Variants in HDAC8 observed in about 807,000 individuals in gnomAD.
The protein encoded by HDAC8 is histone deacetylase-like 1.
A neutral mutation model predicts 32.2 loss-of-function variants in HDAC8; 1 was observed. The observed-to-expected ratio is 0.03, with a 90% confidence interval of 0.01 to 0.15. The LOEUF is 0.15. HDAC8 is among the 10% of genes least tolerant of loss of function. The pLI is 1.00. For synonymous variants in HDAC8, 108 were observed against 113.9 expected, an observed-to-expected ratio of 0.95 and a Z score of 0.33; for missense variants, 117 against 300.0, an observed-to-expected ratio of 0.39 and a Z score of 4.51.
intron 9 of HDAC8, among the ~76,000 whole-genome samples, chrX:72,430,140 C>G (rs1414444597): frequency 8.9e-6 from 1 of 112,132 alleles, no homozygotes; most frequent in Non-Finnish European, 1.9e-5. Context: ...TACTTTTCTT[C>G]TTTTCTTTTT....
At chrX:72,546,146 GTTCTACA>G (rs782510118) in intron 4 of HDAC8, among the ~76,000 whole-genome samples, 161 of 111,578 alleles carry the variant, frequency 1.4e-3, no homozygotes, top group African/African-American at 5.0e-3. Context: ...TGGAGGTCTA[GTTCTACA>G]TTCTTCCTGT....
intron 8 of HDAC8, among the ~76,000 whole-genome samples, chrX:72,464,036 A>G (rs1374952140): frequency 1.8e-5 from 2 of 112,038 alleles, no homozygotes; most frequent in Non-Finnish European, 3.8e-5. Flanking sequence ...ACCAAAGGCA[A>G]GAATGCCCAA....
intron 4 of HDAC8, among the ~76,000 whole-genome samples, chrX:72,550,659 C>T (rs1394757257): frequency 9.0e-6 from 1 of 111,399 alleles, no homozygotes; most frequent in Non-Finnish European, 1.9e-5. Flanking sequence ...GTTGCAGTCC[C>T]TGGTTTGAAA....
At chrX:72,338,698 T>C (rs2147695015) in intron 10 of HDAC8, among the ~76,000 whole-genome samples, 1 of 100,290 alleles carries the variant, frequency 1.0e-5, no homozygotes, top group South Asian at 4.3e-4. Flanking sequence ...TATATATATA[T>C]ATATTTATAT....
intron 4 of HDAC8, among the ~76,000 whole-genome samples, chrX:72,511,548 C>T (rs2049586495): frequency 9.0e-6 from 1 of 111,485 alleles, no homozygotes; most frequent in African/African-American, 3.3e-5. Flanking sequence ...GCTTGCATCC[C>T]CAAACTATGT....
Position 72,572,805 on chromosome X carries a change from T to C in HDAC8, c.-44A>G, listed in dbSNP as rs1556168595. 2.8e-6 allele frequency: 3 copies of C among 1,085,005 alleles called. No individual in the cohort carries two copies. The highest frequency in any genetic ancestry group is 3.7e-5 in the South Asian group (2 of 53,773). The allele number at this position is 1,085,005 out of a possible 1,213,427, so 89.4% of individuals were successfully genotyped here. A position where few individuals can be genotyped will look rare whatever the true frequency, so the allele number is the denominator to read the frequency against. On this transcript the variant is annotated 5_prime_UTR_variant, in exon 1 of 11. Transcript: ENST00000373573. The stretch of plus-strand genomic sequence containing the variant: ...CCGCAGCCACCTTCCAGATCTGGCT[T>C]TTTTCGGACTCGGCCAGGGTTCCAG...
rs970540594 is a variant in HDAC8 at position 72,473,620 on chromosome X, G to A, written c.738-8889C>T. ...TGGCAGAGCTGGTTTTTGAACCCAG[G>A]CATCCAGGCACCAGAGTTTTTGCTC... On this transcript the variant is annotated intron_variant, in intron 7 of 10. Transcript: ENST00000373573. 22 of 705,889 alleles carry A rather than the reference G, an allele frequency of 3.1e-5. No homozygotes were observed. The Middle Eastern group carries it at 2.4e-3, about 78-fold the overall frequency. The allele number at this position is 705,889 out of a possible 1,213,427, so 58.2% of individuals were successfully genotyped here.
intron 9 of HDAC8, among the ~76,000 whole-genome samples, chrX:72,411,936 G>T (rs1489122843): frequency 8.9e-6 from 1 of 111,865 alleles, no homozygotes; most frequent in African/African-American, 3.2e-5. Context: ...ATATAATGAT[G>T]AATACATTTA....
At chrX:72,442,141 T>A (rs1207593917) in intron 9 of HDAC8, among the ~76,000 whole-genome samples, 2 of 110,660 alleles carry the variant, frequency 1.8e-5, no homozygotes, top group East Asian at 2.8e-4. Context: ...ACTTCCCCAA[T>A]CTAGTAAGGC....
At chrX:72,493,483 C>T (rs1397031283) in intron 5 of HDAC8, among the ~76,000 whole-genome samples, 1 of 111,281 alleles carries the variant, frequency 9.0e-6, no homozygotes, top group Non-Finnish European at 1.9e-5. Flanking sequence ...TTAAAACAAA[C>T]TTCTCCAGGT....
chrX:72,480,494 G>A (rs1464942260), intron 7 of HDAC8: 1 of 310,949 alleles, frequency 3.2e-6, no homozygotes, highest in Non-Finnish European at 6.2e-6. Context: ...GTGGAAGACA[G>A]TGTTGCGATT....
Position 72,464,553 on chromosome X carries a change from A to G in HDAC8, c.910+6T>C, listed in dbSNP as rs2047960711. 1 of 1,196,382 alleles carries G rather than the reference A, an allele frequency of 8.4e-7. No homozygotes were observed. Among genetic ancestry groups the G allele is most frequent in the Non-Finnish European group, 1.1e-6 (1 of 883,253 alleles). ...ACAAATTCTGGTAACCTTCCTTTATACTCACCTCCTCCCAAAATGAGTGTT... is the reference window on the plus strand; with the variant it reads ...ACAAATTCTGGTAACCTTCCTTTATGCTCACCTCCTCCCAAAATGAGTGTT... On this transcript the variant is annotated splice_donor_region_variant and intron_variant, in intron 8 of 10. Transcript: ENST00000373573.
intron 7 of HDAC8, among the ~76,000 whole-genome samples, chrX:72,468,746 G>C (rs1236043708): frequency 9.0e-6 from 1 of 111,583 alleles, no homozygotes; most frequent in Non-Finnish European, 1.9e-5. Flanking sequence ...GGTCCACTAG[G>C]GGAGGAAAAC....
intron 9 of HDAC8, among the ~76,000 whole-genome samples, chrX:72,416,969 T>C (rs1411779517): frequency 9.0e-6 from 1 of 111,389 alleles, no homozygotes; most frequent in Non-Finnish European, 1.9e-5. Context: ...GGCCCATCTT[T>C]ATTCTTTAAT....
At chrX:72,404,404 ACTTGCTATTGTAAAGC>A (rs2147882013) in intron 9 of HDAC8, among the ~76,000 whole-genome samples, 1 of 111,510 alleles carries the variant, frequency 9.0e-6, no homozygotes, top group African/African-American at 3.3e-5. Flanking sequence ...TGACAACATG[ACTTGCTATTGTAAAGC>A]CTTTAAATTC....
intron 9 of HDAC8, among the ~76,000 whole-genome samples, chrX:72,450,505 G>A (rs781944898): frequency 2.7e-5 from 3 of 111,747 alleles, no homozygotes; most frequent in Non-Finnish European, 5.6e-5. Context: ...GTTACCACTG[G>A]GGGGAACTGA....
In HDAC8 at chrX:72,464,629, A is replaced by G. The variant is rs1555993164; in HGVS notation, c.840T>C (p.Thr280=). The G allele has an allele frequency of 8.3e-7, 1 of 1,204,965 alleles. No individual in the cohort carries two copies. Among genetic ancestry groups the G allele is most frequent in the Non-Finnish European group, 1.1e-6 (1 of 889,215 alleles). Residue 280 remains threonine (T), a synonymous_variant, in exon 8 of 11, where the codon ACT becomes ACC. Transcript: ENST00000373573. ...AGDPMCSFNM[T]PVGIGKCLKY... ...TAAGACACTTGCCAATTCCCACTGG[A>G]GTCATGTTAAAGGAGCACATGGGAT...
At chrX:72,470,357 TATGTGTA>T (rs1401646975) in intron 7 of HDAC8, among the ~76,000 whole-genome samples, 2 of 111,533 alleles carry the variant, frequency 1.8e-5, no homozygotes, top group Non-Finnish European at 3.8e-5. Flanking sequence ...TGGTTGAAGC[TATGTGTA>T]ATGAGTGCCT....
chrX:72,456,998 A>G (rs1316243408), intron 9 of HDAC8, among the ~76,000 whole-genome samples: 1 of 111,465 alleles, frequency 9.0e-6, no homozygotes, highest in South Asian at 3.8e-4. Flanking sequence ...ATCCAGCAAT[A>G]CATAAAAAGG....
Sources: gnomAD v4.1 joint callset for allele counts (sites outside exome capture counted in the v4.1 genomes callset) on GRCh38, gnomAD v4.1.1 for gene constraint, MANE v1.5 for transcripts, NCBI Gene and HGNC (gene_info 2026-07-23, HGNC 2026-07-21) for gene names.